The following THSD4 variants were observed in gnomAD, a reference collection of about 807,000 sequenced individuals.
The protein encoded by THSD4 is thrombospondin type 1 domain containing 4.
In THSD4, 69 loss-of-function variants were observed where a neutral mutation model predicts 119.0. The observed-to-expected ratio is 0.58, with a 90% CI of 0.48 to 0.71. The LOEUF is 0.71. Ranked by LOEUF, THSD4 falls within the 30% of genes least tolerant of loss-of-function variation. The probability of loss-of-function intolerance (pLI) is 0.00; values close to 1 mark genes in which losing one functional copy is unlikely to be tolerated. For missense variants in THSD4, 1,393 were observed against 1,391.1 expected (o/e 1.00, Z -0.02); for synonymous variants, 524 against 540.4 (o/e 0.97, Z 0.42).
intron 2 of THSD4, among the ~76,000 whole-genome samples, chr15:71,142,535 A>G (rs958331759): frequency 2.0e-5 from 3 of 152,158 alleles, no homozygotes. Flanking sequence ...TTTATACATT[A>G]TGAGATCAAT....
chr15:71,334,339 T>A (rs547483687), intron 6 of THSD4, among the ~76,000 whole-genome samples: 2 of 152,230 alleles, frequency 1.3e-5, no homozygotes, highest in Admixed American at 1.3e-4. Context: ...AAACCGACAC[T>A]CGACTACCAC....
chr15:71,119,040 A>C (rs1309139153), intron 1 of THSD4, among the ~76,000 whole-genome samples: 1 of 152,142 alleles, frequency 6.6e-6, no homozygotes, highest in Non-Finnish European at 1.5e-5. Context: ...ATGCTTAGTG[A>C]GCACTGGTGT....
At chr15:71,442,652 G>GTATGTA (rs1408924258) in intron 7 of THSD4, among the ~76,000 whole-genome samples, 1 of 25,186 alleles carries the variant, frequency 4.0e-5, no homozygotes, top group Non-Finnish European at 1.2e-4. Flanking sequence ...ATATGTGTGT[G>GTATGTA]TGTGTGTGTA....
chr15:71,720,476 A>C (rs2052701185), intron 8 of THSD4, among the ~76,000 whole-genome samples: 1 of 152,242 alleles, frequency 6.6e-6, no homozygotes, highest in Non-Finnish European at 1.5e-5. Context: ...AGTCCCATGA[A>C]TATCTATATG....
chr15:71,399,830 C>G (rs1443431340), intron 6 of THSD4, among the ~76,000 whole-genome samples: 1 of 152,074 alleles, frequency 6.6e-6, no homozygotes, highest in Non-Finnish European at 1.5e-5. Context: ...TAAAAGACCC[C>G]CAGGTAATTC....
chr15:71,189,951 G>A (rs2043655502), intron 3 of THSD4, among the ~76,000 whole-genome samples: 3 of 152,254 alleles, frequency 2.0e-5, no homozygotes, highest in Non-Finnish European at 2.9e-5. Context: ...TGCTCATCCC[G>A]CCCACGCACT....
At chr15:71,372,171 G>C (rs1178103395) in intron 6 of THSD4, among the ~76,000 whole-genome samples, 1 of 152,146 alleles carries the variant, frequency 6.6e-6, no homozygotes, top group Non-Finnish European at 1.5e-5. Flanking sequence ...ATTCTAGTTA[G>C]CCATTTGTCT....
At chr15:71,117,945 G>A (rs1323892493) in intron 1 of THSD4, among the ~76,000 whole-genome samples, 1 of 152,148 alleles carries the variant, frequency 6.6e-6, no homozygotes, top group Non-Finnish European at 1.5e-5. Context: ...ACCACCCAGG[G>A]GAGAAAGGGA....
At chr15:71,612,275 C>A (rs1390474675) in intron 7 of THSD4, among the ~76,000 whole-genome samples, 1 of 152,200 alleles carries the variant, frequency 6.6e-6, no homozygotes, top group Admixed American at 6.5e-5. Flanking sequence ...TAATGAGGCT[C>A]TCTGAGGTCA....
At chr15:71,692,458 T>C (rs960229240) in intron 8 of THSD4, among the ~76,000 whole-genome samples, 1 of 152,180 alleles carries the variant, frequency 6.6e-6, no homozygotes, top group Non-Finnish European at 1.5e-5. Context: ...TTTTTTGTTT[T>C]TGTTTTGTTT....
chr15:71,367,841 TC>T, intron 6 of THSD4, among the ~76,000 whole-genome samples: 1 of 152,228 alleles, frequency 6.6e-6, no homozygotes, highest in Non-Finnish European at 1.5e-5. Flanking sequence ...TAGTTTTAGA[TC>T]CTTGAGGAAT....
chr15:71,644,973 C>A (rs1472677511), intron 7 of THSD4, among the ~76,000 whole-genome samples: 1 of 152,128 alleles, frequency 6.6e-6, no homozygotes, highest in Non-Finnish European at 1.5e-5. Context: ...ATAGCCTGCC[C>A]CTGCTCAAGA....
At chr15:71,611,837 A>G (rs551910442) in intron 7 of THSD4, among the ~76,000 whole-genome samples, 5 of 152,292 alleles carry the variant, frequency 3.3e-5, no homozygotes, top group Non-Finnish European at 4.4e-5. Context: ...AGGAACAGAG[A>G]ATATTCTGAA....
chr15:71,367,340 C>T lies in THSD4; in HGVS notation c.1016-44347C>T, dbSNP rs566713202. Among the ~76,000 whole-genome samples, 12 of 152,118 alleles carry T rather than the reference C, an allele frequency of 7.9e-5. No individual in the cohort carries two copies. The South Asian group carries it at 8.3e-4, about 11-fold the overall frequency. On this transcript the variant is annotated intron_variant, in intron 6 of 17. Transcript: ENST00000261862. ...GAAGTTCTAGGGTAGATGTGCACAA[C>T]GTGCAGGTTTGTTACATATGTATAC...
intron 6 of THSD4, among the ~76,000 whole-genome samples, chr15:71,357,519 G>A (rs747041933): frequency 2.0e-5 from 3 of 152,192 alleles, no homozygotes; most frequent in Non-Finnish European, 4.4e-5. Flanking sequence ...GGGTGCGGCT[G>A]CCAGGTTTCG....
chr15:71,249,675 TACAA>T (rs58682198), intron 5 of THSD4, among the ~76,000 whole-genome samples: 5,013 of 152,266 alleles, frequency 0.033, 103 homozygotes, highest in Middle Eastern at 0.048. Flanking sequence ...TTATAAAAAG[TACAA>T]ACAAAGAGTA....
Position 71,667,040 on chromosome 15 carries a change from C to G in THSD4, c.1357+6306C>G, listed in dbSNP as rs142422410. Among the ~76,000 whole-genome samples, 58 of 152,272 alleles carry G rather than the reference C, an allele frequency of 3.8e-4. No individual in the cohort carries two copies. In the East Asian group the frequency reaches 0.01, roughly 27 times the overall value. ...TATTTCAGGAGATAAGATGTTTATT[C>G]ATCTCATTTGGGGTTATACACCAAT... is the stretch of plus-strand genomic sequence containing the variant. On this transcript the variant is annotated intron_variant, in intron 8 of 17. Transcript: ENST00000261862.
In THSD4 at chr15:71,510,355, C is replaced by T. The variant is rs117892498; in HGVS notation, c.1152+98532C>T. ...AAATCTATACTAGGCACTGAGGCTACAGCTGCAAACAAGGCAAAAGTGCCT... is the reference window on the plus strand; with the variant it reads ...AAATCTATACTAGGCACTGAGGCTATAGCTGCAAACAAGGCAAAAGTGCCT... On this transcript the variant is annotated intron_variant, in intron 7 of 17. Coordinates refer to ENST00000261862, the MANE Select transcript of THSD4 (RefSeq NM_024817.3). Among the ~76,000 whole-genome samples, 71 of 152,342 alleles carry T rather than the reference C, an allele frequency of 4.7e-4. 1 individual carries two copies. The East Asian group carries it at 0.013, about 29-fold the overall frequency.
chr15:71,488,166 A>T (rs2047852214), intron 7 of THSD4, among the ~76,000 whole-genome samples: 1 of 152,194 alleles, frequency 6.6e-6, no homozygotes, highest in African/African-American at 2.4e-5. Context: ...ATATGAAGGG[A>T]ACATTCTAAT....
Sources: gnomAD v4.1 joint callset for allele counts (sites outside exome capture counted in the v4.1 genomes callset) on GRCh38, gnomAD v4.1.1 for gene constraint, MANE v1.5 for transcripts, NCBI Gene and HGNC (gene_info 2026-07-23, HGNC 2026-07-21) for gene names.